Variants in PPIL4 observed in about 807,000 individuals in gnomAD.
PPIL4 encodes the protein peptidylprolyl isomerase like 4.
In PPIL4, 50 loss-of-function variants were observed where a neutral mutation model predicts 69.1. That is an observed-to-expected ratio of 0.72 (90% confidence interval 0.58 to 0.92). The LOEUF is 0.92. Among genes scored for constraint, PPIL4 ranks in the 40% least tolerant of loss-of-function variants. The probability of loss-of-function intolerance (pLI) is 0.00; values close to 1 mark genes in which losing one functional copy is unlikely to be tolerated. For synonymous variants in PPIL4, 193 were observed against 191.6 expected, an observed-to-expected ratio of 1.01 and a Z score of -0.06; for missense variants, 480 against 587.9, an observed-to-expected ratio of 0.82 and a Z score of 1.90.
At chr6:149,526,609 C>T in intron 8 of PPIL4, 43 bp downstream of exon 8, 1 of 1,544,560 alleles carries the variant, frequency 6.5e-7, no homozygotes, top group Non-Finnish European at 8.8e-7. Context: ...CCAACTGATA[C>T]CTAGTTTTTC....
intron 12 of PPIL4, among the ~76,000 whole-genome samples, chr6:149,506,406 A>T (rs1281792265): frequency 6.6e-6 from 1 of 152,208 alleles, no homozygotes; most frequent in African/African-American, 2.4e-5. Context: ...TGGGAGGCAG[A>T]GGTTGCGGTG....
At chr6:149,533,248 T>A (rs1272440168) in intron 7 of PPIL4, among the ~76,000 whole-genome samples, 1 of 152,202 alleles carries the variant, frequency 6.6e-6, no homozygotes, top group East Asian at 1.9e-4. Context: ...TCCCACTGTT[T>A]AAAAAGGCAC....
intron 5 of PPIL4, among the ~76,000 whole-genome samples, 154 bp from the exon 6 acceptor site, chr6:149,534,928 A>G (rs1482457555): frequency 3.3e-5 from 5 of 152,232 alleles, no homozygotes; most frequent in African/African-American, 4.8e-5. Flanking sequence ...ATACTTTCAC[A>G]ATGAGTGTTA....
intron 11 of PPIL4, chr6:149,517,072 G>C (rs978748954): frequency 9.4e-6 from 2 of 212,594 alleles, no homozygotes; most frequent in African/African-American, 4.6e-5. Flanking sequence ...TGATAAGTAG[G>C]AAAGTACTTA....
At chr6:149,512,999 C>T (rs1009699685) in intron 11 of PPIL4, among the ~76,000 whole-genome samples, 1 of 151,666 alleles carries the variant, frequency 6.6e-6, no homozygotes. Flanking sequence ...GCCTCGGCCT[C>T]CCAAAGTGCT....
chr6:149,509,012 C>G (rs1776804563), intron 12 of PPIL4, among the ~76,000 whole-genome samples: 2 of 151,542 alleles, frequency 1.3e-5, no homozygotes, highest in African/African-American at 4.8e-5. Context: ...AATCGGGGGG[C>G]CATTAAAATC....
intron 11 of PPIL4, among the ~76,000 whole-genome samples, chr6:149,515,982 A>G (rs1276083425): frequency 6.6e-6 from 1 of 152,148 alleles, no homozygotes; most frequent in Non-Finnish European, 1.5e-5. Context: ...ACTTAAGACA[A>G]TTTATCTGCA....
chr6:149,544,180 G>A (rs1221131145), intron 1 of PPIL4, among the ~76,000 whole-genome samples: 2 of 152,080 alleles, frequency 1.3e-5, no homozygotes, highest in Admixed American at 6.6e-5. Flanking sequence ...CTCTACATGG[G>A]CAGAGCGTCA....
intron 4 of PPIL4, among the ~76,000 whole-genome samples, chr6:149,537,697 C>T (rs1777299028): frequency 1.3e-5 from 2 of 150,294 alleles, no homozygotes; most frequent in Admixed American, 1.3e-4. Flanking sequence ...CAGAGCAAGA[C>T]TCCATCTCAA....
chr6:149,538,208 G>A (rs981748841), intron 4 of PPIL4, among the ~76,000 whole-genome samples: 29 of 152,050 alleles, frequency 1.9e-4, no homozygotes, highest in Non-Finnish European at 2.9e-4. Context: ...AGAGGTTGCA[G>A]TGAGGTGAGA....
At chr6:149,522,062 A>C (rs573370933) in intron 9 of PPIL4, among the ~76,000 whole-genome samples, 1 of 152,342 alleles carries the variant, frequency 6.6e-6, no homozygotes, top group East Asian at 1.9e-4. Context: ...CCATGAAGAT[A>C]TAGACAAAGC....
chr6:149,512,836 A>C (rs1776876060), intron 11 of PPIL4, among the ~76,000 whole-genome samples: 1 of 151,914 alleles, frequency 6.6e-6, no homozygotes, highest in South Asian at 2.1e-4. Flanking sequence ...TCCGCCTCTC[A>C]GGTTCAAGCA....
chr6:149,527,359 A>T (rs1325033565), intron 7 of PPIL4, among the ~76,000 whole-genome samples: 1 of 152,192 alleles, frequency 6.6e-6, no homozygotes, highest in Non-Finnish European at 1.5e-5. Flanking sequence ...CTCATAAATA[A>T]ACAAATAAAA....
chr6:149,507,135 G>A (rs1776781265), intron 12 of PPIL4, among the ~76,000 whole-genome samples: 1 of 152,170 alleles, frequency 6.6e-6, no homozygotes, highest in South Asian at 2.1e-4. Context: ...TACCACTGTA[G>A]CAGACATAAA....
intron 4 of PPIL4, among the ~76,000 whole-genome samples, chr6:149,537,390 CA>C (rs1468518156): frequency 6.6e-6 from 1 of 152,074 alleles, no homozygotes; most frequent in Non-Finnish European, 1.5e-5. Flanking sequence ...CTGACTATAC[CA>C]AAAATCCCAA....
intron 11 of PPIL4, among the ~76,000 whole-genome samples, chr6:149,514,163 C>T (rs922582326): frequency 8.5e-5 from 13 of 152,224 alleles, no homozygotes; most frequent in African/African-American, 2.9e-4. Context: ...TTAGTCAGCT[C>T]GTACCATTCG....
chr6:149,521,024 AAAAG>A, intron 10 of PPIL4, 32 bp downstream of exon 10: 1 of 1,235,002 alleles, frequency 8.1e-7, no homozygotes, highest in Non-Finnish European at 1.2e-6. Flanking sequence ...AAAAAAAAAA[AAAAG>A]CAGAACAAAA....
chr6:149,526,723 C>T lies in PPIL4; in HGVS notation c.732G>A (p.Val244=). The part of the protein sequence containing the change: ...DIKPPENVLF[V]CKLNPVTTDE... Reference sequence around the variant, plus strand: ...CTGTGGTCACTGGGTTCAATTTACACACAAACAGTACATTTTCTGGAGGTT... The same window carrying T: ...CTGTGGTCACTGGGTTCAATTTACATACAAACAGTACATTTTCTGGAGGTT... Residue 244 remains valine, a synonymous_variant, in exon 8 of 13, where the codon GTG becomes GTA. Coordinates refer to ENST00000253329, the MANE Select transcript of PPIL4 (RefSeq NM_139126.4). The T allele has an allele frequency of 6.2e-7, 1 of 1,612,778 alleles. No individual in the cohort carries two copies. Among genetic ancestry groups the T allele is most frequent in the Non-Finnish European group, 8.5e-7 (1 of 1,178,966 alleles).
chr6:149,527,573 T>C (rs1366355273), intron 7 of PPIL4, among the ~76,000 whole-genome samples: 2 of 152,184 alleles, frequency 1.3e-5, no homozygotes, highest in African/African-American at 2.4e-5. Flanking sequence ...TCATAAAGCA[T>C]AAAAATAAAA....
Sources: allele counts gnomAD v4.1 joint callset (sites outside exome capture counted in the v4.1 genomes callset), GRCh38; gene constraint gnomAD v4.1.1; transcripts MANE v1.5; gene names NCBI Gene and HGNC (gene_info 2026-07-23, HGNC 2026-07-21).